Variants in ZNF559 observed in about 807,000 individuals in gnomAD.
ZNF559 encodes the protein putative protein product of Nbla00121.
In ZNF559, 17 loss-of-function variants were observed where a neutral mutation model predicts 14.2. The ratio of observed to expected loss-of-function variants is 1.20; its 90% confidence interval spans 0.82 to 1.80. The LOEUF (loss-of-function observed/expected upper bound fraction) is 1.80. Ranked by LOEUF, ZNF559 falls within the 40% of genes most tolerant of loss-of-function variation. The probability of loss-of-function intolerance (pLI) is 0.00; values close to 1 mark genes in which losing one functional copy is unlikely to be tolerated. For missense variants in ZNF559, 740 were observed against 629.7 expected (o/e 1.18, Z -1.88); for synonymous variants, 244 against 212.4 (o/e 1.15, Z -1.29).
rs765753781 is a variant in ZNF559, at chr19:9,341,130, G to T, written c.189G>T (p.Trp63Cys). The T allele has an allele frequency of 6.2e-7, 1 of 1,613,416 alleles. No homozygotes were observed. Residue 63 changes from tryptophan (W) to cysteine (C), a missense_variant, in exon 6 of 7, where the codon TGG becomes TGT. By Grantham distance (215) the Trp-to-Cys change is radical. Transcript: ENST00000603380. The part of the protein sequence containing the change: ...VDWESHINTK[W>C]SAPQQNFLQG... ...GGGAGAGTCATATTAATACCAAATG[G>T]TCAGCACCTCAGCAGAATTTTTTGC...
chr19:9,326,762 T>C (rs1005882874), intron 2 of ZNF559, among the ~76,000 whole-genome samples: 4 of 152,206 alleles, frequency 2.6e-5, no homozygotes, highest in Admixed American at 6.5e-5. Flanking sequence ...TTGTACTAAG[T>C]CTTTGGAATC....
At chr19:9,341,451 T>C (rs1449120476) in intron 6 of ZNF559, 11 of 796,796 alleles carry the variant, frequency 1.4e-5, no homozygotes, top group African/African-American at 3.4e-5. Context: ...TGGGCCGTTA[T>C]CAGCTAAGCT....
At chr19:9,337,935 C>T (rs879252355) in intron 3 of ZNF559, 77 bp downstream of exon 3, 81 of 1,535,664 alleles carry the variant, frequency 5.3e-5, no homozygotes, top group Non-Finnish European at 6.4e-5. Flanking sequence ...GACAGTGTCT[C>T]GAAGAGACTT....
Position 9,342,677 on chromosome 19 carries a change from A to T in ZNF559, c.1226A>T (p.Tyr409Phe). 6.2e-7 allele frequency: 1 copy of T among 1,614,214 alleles called. No individual in the cohort carries two copies. ...HMQTHPGVKP[Y>F]DCQQCGKAFI... is the part of the protein sequence containing the mutation. ...CAGACTCATCCTGGTGTAAAACCCT[A>T]TGACTGTCAACAGTGTGGGAAAGCC... The change falls in exon 7 of 7, where the codon TAT (tyrosine) becomes TTT (phenylalanine). Residue 409 changes from tyrosine to phenylalanine, a missense_variant. Tyr to Phe is a conservative substitution (Grantham distance 22). Transcript: ENST00000603380.
chr19:9,324,838 T>G, intron 2 of ZNF559, 58 bp downstream of exon 2: 1 of 1,443,496 alleles, frequency 6.9e-7, no homozygotes, highest in South Asian at 1.2e-5. Flanking sequence ...GTTTAAGTTG[T>G]GTCGAGGTGG....
Position 9,343,786 on chromosome 19 carries a change from T to G in ZNF559, c.*718T>G. 1.0e-6 allele frequency: 1 copy of G among 985,610 alleles called. No individual in the cohort carries two copies. Among genetic ancestry groups the G allele is most frequent in the Non-Finnish European group, 1.2e-6 (1 of 830,072 alleles). The allele number at this position is 985,610 out of a possible 1,614,324, so 61.1% of individuals were successfully genotyped here. On this transcript the variant is annotated 3_prime_UTR_variant, in exon 7 of 7. Transcript: ENST00000603380. ...GAATGCCATATCAGAATGCTTTTGGTAAATATACATGTTTTAAAGAGGTTA... is the reference window on the plus strand; with the variant it reads ...GAATGCCATATCAGAATGCTTTTGGGAAATATACATGTTTTAAAGAGGTTA...
chr19:9,338,059 A>G (rs1209185597), intron 3 of ZNF559: 3 of 1,508,540 alleles, frequency 2.0e-6, no homozygotes, highest in Non-Finnish European at 2.7e-6. Context: ...TGCTTTAACC[A>G]GTCTGTGAAC....
chr19:9,324,040 C>G, upstream of ZNF559: 1 of 988,488 alleles, frequency 1.0e-6, no homozygotes. Context: ...GACACTTGCG[C>G]TCTTCGGGGA....
chr19:9,343,641 AAG>A lies in ZNF559; in HGVS notation c.*577_*578del, dbSNP rs1036048961. ...ACACATTGAGAAGTCCCATGAGTGA[AAG>A]AGATGTTGGAAAGCCCTTGAACTTG... On this transcript the variant is annotated 3_prime_UTR_variant, in exon 7 of 7. Transcript: ENST00000603380. The A allele has an allele frequency of 1.7e-5, 17 of 988,394 alleles. No individual in the cohort carries two copies. In the Middle Eastern group the frequency reaches 1.5e-3, roughly 90 times the overall value. The allele number at this position is 988,394 out of a possible 1,614,324, so 61.2% of individuals were successfully genotyped here.
At chr19:9,324,862 C>T in intron 2 of ZNF559, 82 bp downstream of exon 2, 7 of 1,230,146 alleles carry the variant, frequency 5.7e-6, no homozygotes, top group Non-Finnish European at 8.0e-6. Context: ...GAAACCTTTT[C>T]AGGTGGTTGT....
chr19:9,341,686 C>A lies in ZNF559; in HGVS notation c.244-9C>A. ...ACTTCTATGAACCATCATTAATTTT[C>A]ACCAACAGGAGAGAAACCATTTTGG... On this transcript the variant is annotated splice_polypyrimidine_tract_variant and intron_variant, in intron 6 of 6. Transcript: ENST00000603380. 1 of 1,598,662 alleles carries A rather than the reference C, an allele frequency of 6.3e-7. No homozygotes were observed. The highest frequency in any genetic ancestry group is 1.1e-5 in the South Asian group (1 of 89,268).
At chr19:9,332,866 A>C (rs2067013461) in intron 2 of ZNF559, 2 of 152,332 alleles carry the variant, frequency 1.3e-5, no homozygotes, top group Admixed American at 6.5e-5. Flanking sequence ...TATTTTTAAA[A>C]GGTATGATTT....
chr19:9,332,355 G>GTGTGTGTATATA (rs138636441), intron 2 of ZNF559, among the ~76,000 whole-genome samples: 1 of 149,958 alleles, frequency 6.7e-6, no homozygotes, highest in African/African-American at 2.4e-5. Context: ...ATGTGTGTGT[G>GTGTGTGTATATA]TATATATATA....
At chr19:9,334,066 C>G (rs1463173834) in intron 2 of ZNF559, among the ~76,000 whole-genome samples, 1 of 152,142 alleles carries the variant, frequency 6.6e-6, no homozygotes, top group Non-Finnish European at 1.5e-5. Context: ...TTTTGAAAAA[C>G]AGTTTGGCAT....
chr19:9,344,247 A>T lies in ZNF559; in HGVS notation c.*1179A>T, dbSNP rs1461612501. On this transcript the variant is annotated 3_prime_UTR_variant, in exon 7 of 7. Coordinates refer to ENST00000603380, the MANE Select transcript of ZNF559 (RefSeq NM_032497.3). Reference sequence around the variant, plus strand: ...TATGGTAAGACCATCTCAAAAAAAGAAAAAAAAATTAAAATATCCTCAGAG... The same window carrying T: ...TATGGTAAGACCATCTCAAAAAAAGTAAAAAAAATTAAAATATCCTCAGAG... The T allele has an allele frequency of 6.6e-6, 1 of 151,764 alleles. No individual in the cohort carries two copies. Among genetic ancestry groups the T allele is most frequent in the African/African-American group, 2.4e-5 (1 of 41,286 alleles). The allele number at this position is 151,764 out of a possible 1,614,324, so 9.4% of individuals were successfully genotyped here.
intron 1 of ZNF559, 51 bp from the exon 2 acceptor site, chr19:9,324,644 G>GA (rs56005842): frequency 0.014 from 14,914 of 1,044,468 alleles, 1 homozygote; most frequent in East Asian, 0.025. Context: ...ATCTCTAATG[G>GA]AAAAAAAAAA....
At chr19:9,338,111 C>A in intron 3 of ZNF559, 2 of 1,105,042 alleles carry the variant, frequency 1.8e-6, no homozygotes, top group Non-Finnish European at 2.7e-6. Context: ...AGTGGCCCTG[C>A]TTTTGAGATA....
rs768495524 is a variant in ZNF559 at position 9,342,669 on chromosome 19, A to AT, written c.1218_1219insT (p.Lys407Ter). On this transcript the variant is annotated frameshift_variant, in exon 7 of 7. Transcript: ENST00000603380. LOFTEE classifies it low-confidence loss of function (END_TRUNC). The stretch of plus-strand genomic sequence containing the variant: ...GTCACATGCAGACTCATCCTGGTGT[A>AT]AAACCCTATGACTGTCAACAGTGTG... The AT allele has an allele frequency of 2.2e-5, 35 of 1,614,206 alleles. No individual in the cohort carries two copies. In the East Asian group the frequency reaches 6.7e-4, roughly 31 times the overall value.
chr19:9,342,511 G>C lies in ZNF559; in HGVS notation c.1060G>C (p.Glu354Gln), dbSNP rs149502772. 1,148 of 1,614,136 alleles carry C rather than the reference G, an allele frequency of 7.1e-4. 27 individuals carry two copies. In the East Asian group the frequency reaches 0.023, roughly 32 times the overall value. ...AACTCACACTGGAGAAAAGCCTTAT[G>C]AATGTAAGGAATGTGGGAAAGCTTT... ...RRTHTGEKPY[E>Q]CKECGKAFAN... The change falls in exon 7 of 7, where the codon GAA becomes CAA. Residue 354 changes from glutamate (E) to glutamine (Q), a missense_variant. Physicochemically the swap from Glu to Gln is conservative, Grantham distance 29. Coordinates refer to ENST00000603380, the MANE Select transcript of ZNF559 (RefSeq NM_032497.3).
Sources: gnomAD v4.1 joint callset for allele counts (sites outside exome capture counted in the v4.1 genomes callset) on GRCh38, gnomAD v4.1.1 for gene constraint, MANE v1.5 for transcripts, NCBI Gene and HGNC (gene_info 2026-07-23, HGNC 2026-07-21) for gene names.